Variants in TCF7L2 observed in about 807,000 individuals in gnomAD.
TCF7L2 encodes the protein transcription factor 7-like 2.
TCF7L2 carries 23 observed loss-of-function variants against 77.9 expected under a neutral mutation model. That is an observed-to-expected ratio of 0.30 (90% CI 0.21 to 0.42). TCF7L2 has a LOEUF of 0.42. Among genes scored for constraint, TCF7L2 ranks in the 10% least tolerant of loss-of-function variants. TCF7L2 has a pLI of 1.00. For missense variants in TCF7L2, 654 were observed against 793.1 expected (o/e 0.82, Z 2.11); for synonymous variants, 413 against 340.2 (o/e 1.21, Z -2.36).
chr10:113,052,413 A>G (rs1362013763), intron 5 of TCF7L2, among the ~76,000 whole-genome samples: 1 of 152,216 alleles, frequency 6.6e-6, no homozygotes, highest in Non-Finnish European at 1.5e-5. Flanking sequence ...CTTTTGGGAA[A>G]GTGTCAGAAA....
intron 4 of TCF7L2, among the ~76,000 whole-genome samples, chr10:113,001,053 T>C (rs1304000316): frequency 6.6e-6 from 1 of 152,182 alleles, no homozygotes; most frequent in African/African-American, 2.4e-5. Context: ...AGGGCAGGCC[T>C]GGAGTCAGGA....
chr10:113,137,578 C>T (rs1053385388), intron 5 of TCF7L2, among the ~76,000 whole-genome samples: 1 of 152,294 alleles, frequency 6.6e-6, no homozygotes, highest in East Asian at 1.9e-4. Flanking sequence ...CCCCTAAAAC[C>T]CTTTTAAAGG....
rs151268725 is a variant in TCF7L2, at chr10:113,147,427, G to A, written c.875+1330G>A. Among the ~76,000 whole-genome samples, 33 of 152,302 alleles carry A rather than the reference G, an allele frequency of 2.2e-4. No individual in the cohort carries two copies. In the East Asian group the frequency reaches 6.2e-3, roughly 28 times the overall value. On this transcript the variant is annotated intron_variant, in intron 8 of 13. Transcript: ENST00000627217. ...CATATCTAGCATCGGTAACTATGCC[G>A]TGGATATCATAGTTGAAGAGATCCA...
At chr10:113,154,634 C>T (rs940826670) in intron 11 of TCF7L2, among the ~76,000 whole-genome samples, 1 of 152,008 alleles carries the variant, frequency 6.6e-6, no homozygotes, top group Non-Finnish European at 1.5e-5. Flanking sequence ...GCCTGGGAGT[C>T]GTTTAGAGAA....
intron 4 of TCF7L2, among the ~76,000 whole-genome samples, chr10:113,038,304 G>T (rs1272817327): frequency 6.6e-6 from 1 of 152,116 alleles, no homozygotes; most frequent in African/African-American, 2.4e-5. Flanking sequence ...GGGTCTTGTG[G>T]CAAGATGCAG....
At chr10:113,010,184 A>C (rs1176107339) in intron 4 of TCF7L2, among the ~76,000 whole-genome samples, 1 of 152,050 alleles carries the variant, frequency 6.6e-6, no homozygotes, top group Non-Finnish European at 1.5e-5. Context: ...TTGGTGGGGC[A>C]GGGCAGCCAG....
At chr10:113,049,655 T>G (rs2054072854) in intron 5 of TCF7L2, among the ~76,000 whole-genome samples, 1 of 152,146 alleles carries the variant, frequency 6.6e-6, no homozygotes, top group Admixed American at 6.5e-5. Flanking sequence ...TGAGAGGGCC[T>G]TTGAAAGCCT....
In TCF7L2 at chr10:113,165,890, C is replaced by G. The variant is rs1468304465; in HGVS notation, c.1727C>G (p.Ser576Trp). 1.2e-6 allele frequency: 2 copies of G among 1,601,844 alleles called. No homozygotes were observed. Among genetic ancestry groups the G allele is most frequent in the East Asian group, 2.2e-5 (1 of 44,698 alleles). ...CCCTCCTCATCAATTGCACAGCCGT[C>G]GACTTCTTCCTTACATTCCCACAGC... The change falls in exon 14 of 14, where the codon TCG becomes TGG. Residue 576 changes from serine to tryptophan, a missense_variant. This residue lies in a region of TCF7L2 where 272 missense variants were observed against 215.4 expected (regional missense o/e 1.26). Transcript: ENST00000627217.
At chr10:113,038,563 C>G (rs145563261) in intron 4 of TCF7L2, among the ~76,000 whole-genome samples, 1 of 152,338 alleles carries the variant, frequency 6.6e-6, no homozygotes, top group African/African-American at 2.4e-5. Flanking sequence ...TTTGGCACTT[C>G]TGTCTCTCGT....
In TCF7L2 at chr10:113,165,645, C is replaced by G. The variant is rs755287177; in HGVS notation, c.1482C>G (p.Pro494=). The stretch of plus-strand genomic sequence containing the variant: ...ATGGAAGCTTACTAGATTCGCCTCC[C>G]CCCTCCCCGAACCTGCTAGGCTCCC... Residue 494 remains proline, a synonymous_variant, in exon 14 of 14, where the codon CCC becomes CCG. Coordinates refer to ENST00000627217, the MANE Select transcript of TCF7L2 (RefSeq NM_001146274.2). 19 of 1,612,714 alleles carry G rather than the reference C, an allele frequency of 1.2e-5. No individual in the cohort carries two copies. The highest frequency in any genetic ancestry group is 1.5e-5 in the Non-Finnish European group (18 of 1,179,300).
intron 4 of TCF7L2, among the ~76,000 whole-genome samples, chr10:112,979,426 G>A (rs754985208): frequency 6.6e-6 from 1 of 152,154 alleles, no homozygotes; most frequent in East Asian, 1.9e-4. Context: ...ACTTTCTGGC[G>A]TTCTCCAAGT....
intron 5 of TCF7L2, among the ~76,000 whole-genome samples, chr10:113,050,903 G>T (rs755442543): frequency 6.6e-6 from 1 of 152,050 alleles, no homozygotes; most frequent in Non-Finnish European, 1.5e-5. Context: ...TTGTTTTCAG[G>T]TATTGAGAAT....
At chr10:113,069,203 G>A (rs1192242577) in intron 5 of TCF7L2, among the ~76,000 whole-genome samples, 1 of 151,954 alleles carries the variant, frequency 6.6e-6, no homozygotes, top group Non-Finnish European at 1.5e-5. Context: ...GTCCAGCTCA[G>A]AGGGTGCAAC....
intron 5 of TCF7L2, chr10:113,132,991 G>A (rs2066841453): frequency 6.6e-6 from 1 of 152,236 alleles, no homozygotes; most frequent in Admixed American, 6.5e-5. Context: ...TCGCTGATCA[G>A]GGGCGAGCCT....
chr10:112,973,169 G>A (rs1052044017), intron 4 of TCF7L2, among the ~76,000 whole-genome samples: 1 of 152,208 alleles, frequency 6.6e-6, no homozygotes, highest in South Asian at 2.1e-4. Context: ...AGGGCACCCG[G>A]AGAGCAGACT....
At chr10:113,081,343 C>T (rs1264038040) in intron 5 of TCF7L2, among the ~76,000 whole-genome samples, 5 of 152,194 alleles carry the variant, frequency 3.3e-5, no homozygotes, top group South Asian at 4.1e-4. Context: ...GGAGAAGGAG[C>T]GTACCTTTAG....
intron 4 of TCF7L2, among the ~76,000 whole-genome samples, chr10:112,969,542 C>T (rs2037771162): frequency 6.6e-6 from 1 of 152,220 alleles, no homozygotes; most frequent in Non-Finnish European, 1.5e-5. Context: ...TGTGTTTAGT[C>T]TTGCACTGAC....
intron 4 of TCF7L2, among the ~76,000 whole-genome samples, chr10:113,004,862 T>A (rs2045236138): frequency 6.6e-6 from 1 of 152,012 alleles, no homozygotes; most frequent in Non-Finnish European, 1.5e-5. Flanking sequence ...TTAGTAGAGA[T>A]GGGGTTCCAC....
chr10:113,130,025 G>T, intron 5 of TCF7L2: 1 of 1,218,084 alleles, frequency 8.2e-7, no homozygotes, highest in Non-Finnish European at 1.0e-6. Context: ...ATGGGGGGAT[G>T]TGTGTATGTT....
Sources: allele counts gnomAD v4.1 joint callset (sites outside exome capture counted in the v4.1 genomes callset), GRCh38; gene constraint gnomAD v4.1.1; regional missense constraint gnomAD v4.1.1; transcripts MANE v1.5; gene names NCBI Gene and HGNC (gene_info 2026-07-23, HGNC 2026-07-21).